Variants in NCALD observed in about 807,000 individuals in gnomAD.
NCALD encodes neurocalcin delta.
In NCALD, 10 loss-of-function variants were observed where a neutral mutation model predicts 18.6. That is an observed-to-expected ratio of 0.54 (90% CI 0.33 to 0.91). NCALD has a LOEUF of 0.91. Ranked by LOEUF, NCALD falls within the 40% of genes least tolerant of loss-of-function variation. The pLI is 0.03. For missense variants in NCALD, 184 were observed against 247.6 expected (o/e 0.74, Z 1.72); for synonymous variants, 88 against 87.4 (o/e 1.01, Z -0.04).
At chr8:101,692,245 C>T (rs1814760838) in intron 3 of NCALD, 1 of 985,368 alleles carries the variant, frequency 1.0e-6, no homozygotes, top group Non-Finnish European at 1.2e-6. Context: ...AGGGTGGGAA[C>T]CTGCTGGGCA....
At chr8:101,856,412 A>G (rs1370116718) in intron 4 of NCALD, among the ~76,000 whole-genome samples, 1 of 152,138 alleles carries the variant, frequency 6.6e-6, no homozygotes, top group Non-Finnish European at 1.5e-5. Context: ...GCCTCAAGCC[A>G]TCTGCCGACC....
At chr8:101,990,170 C>T (rs1356879452) in intron 2 of NCALD, among the ~76,000 whole-genome samples, 2 of 152,146 alleles carry the variant, frequency 1.3e-5, no homozygotes, top group East Asian at 3.8e-4. Flanking sequence ...AATTATATGC[C>T]AGACACTGTT....
intron 2 of NCALD, among the ~76,000 whole-genome samples, chr8:101,710,014 GC>G (rs1167600949): frequency 6.6e-6 from 1 of 152,242 alleles, no homozygotes; most frequent in East Asian, 1.9e-4. Flanking sequence ...GCTCCAGTCT[GC>G]AGCTCCCAGC....
At position 101,720,478 on chromosome 8, in the gene NCALD, T is replaced by C. The variant is rs562538597; in HGVS notation, c.-19-830A>G. Among the ~76,000 whole-genome samples the C allele has an allele frequency of 2.6e-5, 4 of 152,294 alleles. No homozygotes were observed. In the South Asian group the frequency reaches 8.3e-4, roughly 32 times the overall value. On this transcript the variant is annotated intron_variant, in intron 1 of 3. Transcript: ENST00000220931. ...AATACTAACCCTGAGAGATAACAAT[T>C]GCTAGCATGTTGATATGTGTTCTTC...
intron 2 of NCALD, 66 bp from the exon 3 acceptor site, chr8:101,692,962 A>G: frequency 8.6e-7 from 1 of 1,166,638 alleles, no homozygotes; most frequent in Admixed American, 1.7e-5. Context: ...ACCTATCATT[A>G]AACCTCCCAA....
intron 3 of NCALD, among the ~76,000 whole-genome samples, chr8:101,899,990 T>C (rs1422539194): frequency 1.3e-5 from 2 of 151,928 alleles, no homozygotes; most frequent in Non-Finnish European, 3.0e-5. Flanking sequence ...AGAGAAACCA[T>C]CTGGACCTGG....
At chr8:101,972,032 T>G (rs1475961303) in intron 2 of NCALD, among the ~76,000 whole-genome samples, 1 of 152,174 alleles carries the variant, frequency 6.6e-6, no homozygotes, top group Non-Finnish European at 1.5e-5. Context: ...CCTTTCCATG[T>G]ATTCTCACAA....
At chr8:101,727,547 G>A (rs1816627053) in intron 1 of NCALD, among the ~76,000 whole-genome samples, 1 of 152,174 alleles carries the variant, frequency 6.6e-6, no homozygotes, top group Non-Finnish European at 1.5e-5. Context: ...AGATTGTGGT[G>A]CACTAGCATG....
At chr8:101,701,651 T>G (rs1815273376) in intron 2 of NCALD, among the ~76,000 whole-genome samples, 1 of 152,234 alleles carries the variant, frequency 6.6e-6, no homozygotes, top group Non-Finnish European at 1.5e-5. Context: ...ATCAAGGTTG[T>G]GCAATTAACT....
chr8:101,825,070 G>A (rs1297245879), intron 4 of NCALD, among the ~76,000 whole-genome samples: 1 of 152,174 alleles, frequency 6.6e-6, no homozygotes, highest in Non-Finnish European at 1.5e-5. Context: ...GACCCAGCTT[G>A]CAGAATTTGA....
intron 1 of NCALD, among the ~76,000 whole-genome samples, chr8:102,081,153 T>C (rs1158221606): frequency 2.0e-5 from 3 of 152,194 alleles, no homozygotes; most frequent in Admixed American, 6.5e-5. Context: ...AGGGTTCTTT[T>C]ATGACCCTTT....
intron 3 of NCALD, among the ~76,000 whole-genome samples, chr8:101,904,109 T>A (rs1451477933): frequency 6.6e-6 from 1 of 152,180 alleles, no homozygotes; most frequent in African/African-American, 2.4e-5. Flanking sequence ...TTTCTGTTAT[T>A]TTCCCTTCCC....
intron 4 of NCALD, among the ~76,000 whole-genome samples, chr8:101,803,302 T>A (rs756497587): frequency 1.3e-5 from 2 of 152,196 alleles, no homozygotes; most frequent in Non-Finnish European, 2.9e-5. Flanking sequence ...TGGGTTACTA[T>A]GTTAAGCCCA....
chr8:101,829,652 T>C (rs1315703088), intron 4 of NCALD, among the ~76,000 whole-genome samples: 1 of 87,226 alleles, frequency 1.1e-5, no homozygotes, highest in Non-Finnish European at 2.8e-5. Flanking sequence ...CTTTTTCCCA[T>C]ACGTGGCACA....
chr8:102,064,033 A>C (rs1823926645), intron 1 of NCALD, among the ~76,000 whole-genome samples: 2 of 152,202 alleles, frequency 1.3e-5, no homozygotes. Flanking sequence ...TTTTTGGCTT[A>C]AGTAGCCAGA....
At chr8:101,852,368 T>C (rs1247832255) in intron 4 of NCALD, among the ~76,000 whole-genome samples, 2 of 152,204 alleles carry the variant, frequency 1.3e-5, no homozygotes, top group East Asian at 3.9e-4. Context: ...CCCTCAGACC[T>C]CAGGCTGGTC....
chr8:102,091,712 G>T (rs999766220), intron 1 of NCALD, among the ~76,000 whole-genome samples: 2 of 152,072 alleles, frequency 1.3e-5, no homozygotes, highest in African/African-American at 2.4e-5. Flanking sequence ...TTCTTAAATC[G>T]AACAATTATT....
intron 4 of NCALD, among the ~76,000 whole-genome samples, chr8:101,826,986 C>T (rs1468221711): frequency 6.6e-6 from 1 of 152,146 alleles, no homozygotes; most frequent in Non-Finnish European, 1.5e-5. Context: ...GCTGCTGTAA[C>T]AATATTACCA....
intron 4 of NCALD, among the ~76,000 whole-genome samples, chr8:101,835,489 A>C (rs755930660): frequency 3.9e-5 from 6 of 152,230 alleles, no homozygotes; most frequent in Non-Finnish European, 8.8e-5. Flanking sequence ...AAGTCCTCAC[A>C]ACCAAGAATT....
Sources: allele counts gnomAD v4.1 joint callset (sites outside exome capture counted in the v4.1 genomes callset), GRCh38; gene constraint gnomAD v4.1.1; transcripts MANE v1.5; gene names NCBI Gene and HGNC (gene_info 2026-07-23, HGNC 2026-07-21).